BRINP2: variants seen among roughly 807,000 people sequenced by gnomAD.
BRINP2 encodes the protein BMP/retinoic acid-inducible neural-specific protein 2.
Under a neutral mutation model 69.2 loss-of-function variants are expected in BRINP2, and 21 were observed. The observed-to-expected ratio is 0.30, with a 90% CI of 0.22 to 0.44. BRINP2 has a LOEUF of 0.44. Among genes scored for constraint, BRINP2 ranks in the 20% least tolerant of loss-of-function variants. The probability of loss-of-function intolerance (pLI) is 1.00; values close to 1 mark genes in which losing one functional copy is unlikely to be tolerated. For synonymous variants in BRINP2, 380 were observed against 394.1 expected (o/e 0.96, Z 0.42); for missense variants, 877 against 986.0 (o/e 0.89, Z 1.48).
intron 4 of BRINP2, 91 bp downstream of exon 4, chr1:177,257,475 G>C (rs867884298): frequency 1.6e-6 from 2 of 1,243,104 alleles, no homozygotes; most frequent in Non-Finnish European, 2.2e-6. Context: ...AGGTCAGCTG[G>C]GCCGACTGAT....
intron 1 of BRINP2, among the ~76,000 whole-genome samples, chr1:177,195,427 A>T (rs1261649496): frequency 1.3e-5 from 2 of 151,280 alleles, no homozygotes; most frequent in Non-Finnish European, 2.9e-5. Context: ...GGAGCAGCCC[A>T]AGGCAGACAC....
At chr1:177,250,652 T>C (rs1650551732) in intron 2 of BRINP2, among the ~76,000 whole-genome samples, 1 of 152,236 alleles carries the variant, frequency 6.6e-6, no homozygotes, top group Non-Finnish European at 1.5e-5. Flanking sequence ...TTATGGATTC[T>C]TTCTCCAGTG....
intron 1 of BRINP2, among the ~76,000 whole-genome samples, chr1:177,204,224 G>A (rs1397006308): frequency 3.3e-5 from 5 of 152,032 alleles, no homozygotes; most frequent in African/African-American, 7.2e-5. Flanking sequence ...TGAATTTGAG[G>A]CCGTTTTGAG....
Position 177,261,307 on chromosome 1 carries a change from G to A in BRINP2, c.669+3923G>A, listed in dbSNP as rs553282408. 5.1e-4 allele frequency among the ~76,000 whole-genome samples: 77 copies of A among 152,320 alleles called. 1 individual carries two copies. The highest frequency in any genetic ancestry group is 1.7e-3 in the African/African-American group (72 of 41,564). On this transcript the variant is annotated intron_variant, in intron 4 of 7. Transcript: ENST00000361539. ...GACCAGTGCAGTGGCTATTGCAGTGGTAAAGGTAAGACATAATTGTGGCTT... is the reference window on the plus strand; with the variant it reads ...GACCAGTGCAGTGGCTATTGCAGTGATAAAGGTAAGACATAATTGTGGCTT...
At chr1:177,267,614 TTC>T (rs886584001) in intron 4 of BRINP2, among the ~76,000 whole-genome samples, 1 of 152,238 alleles carries the variant, frequency 6.6e-6, no homozygotes, top group African/African-American at 2.4e-5. Flanking sequence ...TGTAAATTTT[TTC>T]TTTCAGTATC....
intron 1 of BRINP2, among the ~76,000 whole-genome samples, chr1:177,212,317 G>A (rs546603630): frequency 2.6e-5 from 4 of 152,094 alleles, no homozygotes; most frequent in Non-Finnish European, 4.4e-5. Context: ...AGGCTGAGGT[G>A]GGCGGATCAC....
chr1:177,271,302 T>C (rs1651318512), intron 4 of BRINP2, among the ~76,000 whole-genome samples: 1 of 152,202 alleles, frequency 6.6e-6, no homozygotes, highest in Admixed American at 6.5e-5. Flanking sequence ...CTGAAGTCAG[T>C]ACAATTTGTT....
chr1:177,261,217 G>A (rs186773930), intron 4 of BRINP2, among the ~76,000 whole-genome samples: 3 of 151,940 alleles, frequency 2.0e-5, no homozygotes, highest in East Asian at 1.9e-4. Flanking sequence ...AGTTTATAGA[G>A]GTTGCAGGGG....
chr1:177,257,400 G>A lies in BRINP2; in HGVS notation c.669+16G>A. On this transcript the variant is annotated intron_variant, in intron 4 of 7. Coordinates refer to ENST00000361539, the MANE Select transcript of BRINP2 (RefSeq NM_021165.4). ...GGCCATCAAGGTAATGACCTGAGAG[G>A]TACAGGGAAGGGGATGGGGGAAGCA... 6.3e-7 allele frequency: 1 copy of A among 1,588,200 alleles called. No homozygotes were observed. The highest frequency in any genetic ancestry group is 8.6e-7 in the Non-Finnish European group (1 of 1,163,886).
chr1:177,201,560 A>G (rs529066840), intron 1 of BRINP2, among the ~76,000 whole-genome samples: 2 of 152,316 alleles, frequency 1.3e-5, no homozygotes, highest in South Asian at 4.1e-4. Flanking sequence ...TTGAAGAATT[A>G]AAATTTGTTG....
At chr1:177,222,457 A>G (rs532001) in intron 1 of BRINP2, among the ~76,000 whole-genome samples, 87,566 of 151,852 alleles carry the variant, frequency 0.58, 25,524 homozygotes, top group Middle Eastern at 0.66. Flanking sequence ...GATTACAGGC[A>G]CCTGCCATCA....
chr1:177,209,839 G>T (rs1649175815), intron 1 of BRINP2, among the ~76,000 whole-genome samples: 1 of 152,130 alleles, frequency 6.6e-6, no homozygotes, highest in Non-Finnish European at 1.5e-5. Context: ...GAGCTTTTAT[G>T]ATTATAAAAA....
In BRINP2 at chr1:177,278,555, G is replaced by T. The variant is rs1651577764; in HGVS notation, c.1013-8G>T. ...CCGTCAGCTCAGGTCCTGTGTTCTT[G>T]TCCACAGAAGAGTTCCAGGCCCTGC... is the stretch of plus-strand genomic sequence containing the variant. On this transcript the variant is annotated splice_polypyrimidine_tract_variant and splice_region_variant and intron_variant, in intron 6 of 7. Coordinates refer to ENST00000361539, the MANE Select transcript of BRINP2 (RefSeq NM_021165.4). The T allele has an allele frequency of 6.2e-7, 1 of 1,613,960 alleles. No individual in the cohort carries two copies. The highest frequency in any genetic ancestry group is 8.5e-7 in the Non-Finnish European group (1 of 1,179,874).
intron 2 of BRINP2, among the ~76,000 whole-genome samples, chr1:177,245,878 TC>T (rs1385047797): frequency 5.3e-5 from 8 of 152,110 alleles, no homozygotes. Context: ...AGCTTGACTC[TC>T]CCCTCCCCCA....
intron 4 of BRINP2, among the ~76,000 whole-genome samples, chr1:177,258,766 T>C (rs574665523): frequency 6.6e-6 from 1 of 152,354 alleles, no homozygotes; most frequent in Non-Finnish European, 1.5e-5. Context: ...TTAATGTCAC[T>C]TTTATAATTG....
intron 2 of BRINP2, among the ~76,000 whole-genome samples, chr1:177,240,975 ATT>A (rs111255733): frequency 1.4e-5 from 2 of 144,840 alleles, no homozygotes; most frequent in Non-Finnish European, 1.5e-5. Context: ...TGGAGCCAAT[ATT>A]TTTTTTTTTT....
intron 1 of BRINP2, among the ~76,000 whole-genome samples, chr1:177,177,318 C>T (rs1362094032): frequency 6.6e-6 from 1 of 151,952 alleles, no homozygotes; most frequent in Non-Finnish European, 1.5e-5. Context: ...ACAACAACAA[C>T]AACAAAATTT....
At chr1:177,215,453 A>T (rs1479909983) in intron 1 of BRINP2, among the ~76,000 whole-genome samples, 1 of 152,142 alleles carries the variant, frequency 6.6e-6, no homozygotes, top group Non-Finnish European at 1.5e-5. Context: ...TTTTATAGCC[A>T]TTGTAAATGA....
chr1:177,247,914 C>CT lies in BRINP2; in HGVS notation c.270-8004dup, dbSNP rs1238041220. Among the ~76,000 whole-genome samples the CT allele has an allele frequency of 2.0e-5, 3 of 152,312 alleles. No individual in the cohort carries two copies. The East Asian group carries it at 5.8e-4, about 29-fold the overall frequency. On this transcript the variant is annotated intron_variant, in intron 2 of 7. Transcript: ENST00000361539. ...ATGTCTCCTAGTATGCAGGGGCACACTGACACCAGGATAGGTTGGTGCCAA... is the reference window on the plus strand; with the variant it reads ...ATGTCTCCTAGTATGCAGGGGCACACTTGACACCAGGATAGGTTGGTGCCAA...
Sources: allele counts gnomAD v4.1 joint callset (sites outside exome capture counted in the v4.1 genomes callset), GRCh38; gene constraint gnomAD v4.1.1; transcripts MANE v1.5; gene names NCBI Gene and HGNC (gene_info 2026-07-23, HGNC 2026-07-21).